Variants in SLC1A7 observed in about 807,000 individuals in gnomAD.
SLC1A7 encodes the protein excitatory amino acid transporter 5.
SLC1A7 carries 40 observed loss-of-function variants against 47.7 expected under a neutral mutation model. That is an observed-to-expected ratio of 0.84 (90% CI 0.65 to 1.09). SLC1A7 has a LOEUF of 1.09. SLC1A7 is among the 50% of genes least tolerant of loss of function. The pLI is 0.00. For missense variants in SLC1A7, 746 were observed against 769.5 expected (o/e 0.97, Z 0.36); for synonymous variants, 323 against 325.6 (o/e 0.99, Z 0.09).
At chr1:53,111,892 C>T (rs561313862) in intron 3 of SLC1A7, among the ~76,000 whole-genome samples, 1 of 152,272 alleles carries the variant, frequency 6.6e-6, no homozygotes, top group East Asian at 1.9e-4. Flanking sequence ...TGGCTCCAGA[C>T]CCTATAGGTG....
Position 53,090,633 on chromosome 1 carries a change from A to G in SLC1A7, c.1205T>C (p.Phe402Ser). ...IAQVNNYELD[F>S]GQIITISITA... ...GCACCTGATGGTGATGATCTGGCCA[A>G]AGTCCAGCTCGTAGTTGTTGACCTG... Residue 402 changes from phenylalanine (F) to serine (S), a missense_variant, in exon 8 of 11, where the codon TTT becomes TCT. Transcript: ENST00000371494. 1.3e-6 allele frequency: 2 copies of G among 1,599,566 alleles called. No homozygotes were observed. The highest frequency in any genetic ancestry group is 1.7e-6 in the Non-Finnish European group (2 of 1,170,258).
chr1:53,091,029 C>G (rs780293982), intron 7 of SLC1A7: 3 of 1,367,064 alleles, frequency 2.2e-6, no homozygotes, highest in South Asian at 2.9e-5. Flanking sequence ...AGGAAGCTGA[C>G]GCCCAGAGGG....
intron 2 of SLC1A7, among the ~76,000 whole-genome samples, chr1:53,125,183 C>T (rs1337439067): frequency 1.3e-5 from 2 of 152,182 alleles, no homozygotes; most frequent in Admixed American, 1.3e-4. Context: ...CAATGCAGGT[C>T]CCGTCCAGAT....
rs1396016960 is a variant in SLC1A7, at chr1:53,088,872, C to T, written c.1464+5G>A. 1.2e-6 allele frequency: 2 copies of T among 1,612,598 alleles called. No individual in the cohort carries two copies. Among genetic ancestry groups the T allele is most frequent in the East Asian group, 2.2e-5 (1 of 44,872 alleles). ...CTGGCAGCCTCTGGATCTCACTGCT[C>T]TCACCTCGGTGCCTGTGTCCCGGGC... On this transcript the variant is annotated splice_donor_5th_base_variant and intron_variant, in intron 10 of 10. Coordinates refer to ENST00000371494, the MANE Select transcript of SLC1A7 (RefSeq NM_006671.6).
chr1:53,142,264 G>A, intron 1 of SLC1A7, 51 bp downstream of exon 1: 1 of 1,534,842 alleles, frequency 6.5e-7, no homozygotes, highest in Non-Finnish European at 8.8e-7. Flanking sequence ...GATCCCTCAG[G>A]CCCACACGCC....
chr1:53,129,486 C>T lies in SLC1A7; in HGVS notation c.215+4864G>A, dbSNP rs571170173. On this transcript the variant is annotated intron_variant, in intron 2 of 10. Coordinates refer to ENST00000371494, the MANE Select transcript of SLC1A7 (RefSeq NM_006671.6). ...ACAGATGAAGCCACCACTGGTCAAG[C>T]GTGGGCTGCACTCAGTTGGACTGAA... 3.7e-5 allele frequency among the ~76,000 whole-genome samples: 4 copies of T among 107,396 alleles called. 1 individual carries two copies. Among genetic ancestry groups the T allele is most frequent in the East Asian group, 2.7e-4 (1 of 3,672 alleles). 70.5% of individuals were successfully genotyped at this position (107,396 alleles called of 152,430 possible). A position where few individuals can be genotyped will look rare whatever the true frequency, so the allele number is the denominator to read the frequency against.
At position 53,092,708 on chromosome 1, in the gene SLC1A7, G is replaced by A. The variant is rs773262257; in HGVS notation, c.877C>T (p.Leu293=). 6.4e-5 allele frequency: 104 copies of A among 1,614,122 alleles called. 2 individuals are homozygous for A. In the South Asian group the frequency reaches 1.1e-3, roughly 17 times the overall value. ...ACCACGGTGACTGAGTAGAAGCCCA[G>A]CTTCTTGCCGACGGCCCTGGGGTCG... ...MDDPRAVGKK[L]GFYSVTVVCG... is the part of the protein sequence containing the mutation. The change falls in exon 7 of 11, where the codon CTG becomes TTG. Residue 293 remains leucine, a synonymous_variant. Coordinates refer to ENST00000371494, the MANE Select transcript of SLC1A7 (RefSeq NM_006671.6).
chr1:53,099,428 C>T (rs554767922), intron 5 of SLC1A7, among the ~76,000 whole-genome samples: 5 of 149,614 alleles, frequency 3.3e-5, no homozygotes, highest in Non-Finnish European at 4.4e-5. Context: ...TCACACAGCC[C>T]GCCTCGGTAT....
At chr1:53,100,963 A>G (rs28545024) in intron 5 of SLC1A7, among the ~76,000 whole-genome samples, 31,094 of 146,832 alleles carry the variant, frequency 0.21, 3,320 homozygotes, top group Middle Eastern at 0.31. Flanking sequence ...CCCACACCGC[A>G]CCTTGGTCCA....
At chr1:53,127,672 G>A (rs565544070) in intron 2 of SLC1A7, among the ~76,000 whole-genome samples, 8 of 152,324 alleles carry the variant, frequency 5.3e-5, no homozygotes, top group South Asian at 4.1e-4. Flanking sequence ...GGTGAGGACC[G>A]GGCTTCCTGC....
intron 2 of SLC1A7, among the ~76,000 whole-genome samples, chr1:53,125,185 C>T (rs1230700802): frequency 1.3e-5 from 2 of 152,176 alleles, no homozygotes; most frequent in Non-Finnish European, 2.9e-5. Flanking sequence ...ATGCAGGTCC[C>T]GTCCAGATGA....
intron 3 of SLC1A7, chr1:53,108,483 G>A: frequency 1.4e-6 from 1 of 689,696 alleles, no homozygotes; most frequent in Non-Finnish European, 2.7e-6. Flanking sequence ...GGACCAAATG[G>A]GACCTGCCAT....
At chr1:53,107,856 C>T (rs1333762832) in intron 3 of SLC1A7, 3 of 152,152 alleles carry the variant, frequency 2.0e-5, no homozygotes, top group Non-Finnish European at 2.9e-5. Context: ...CACAAAAACC[C>T]GACAGGAAAA....
At position 53,088,137 on chromosome 1, in the gene SLC1A7, A is replaced by C. The variant is rs747412703; in HGVS notation, c.1555T>G (p.Ser519Ala). ...CAGGTGGGGCCCAGGGTGAGCTCGGAGGCCTCGGCTACACTCTTCACACAG... is the reference window on the plus strand; with the variant it reads ...CAGGTGGGGCCCAGGGTGAGCTCGGCGGCCTCGGCTACACTCTTCACACAG... The part of the protein sequence containing the change: ...NGCVKSVAEA[S>A]ELTLGPTCPH... Residue 519 changes from serine to alanine, a missense_variant, in exon 11 of 11, where the codon TCC (serine) becomes GCC (alanine). Physicochemically the swap from Ser to Ala is moderately conservative, Grantham distance 99. Coordinates refer to ENST00000371494, the MANE Select transcript of SLC1A7 (RefSeq NM_006671.6). 3.7e-6 allele frequency: 6 copies of C among 1,613,130 alleles called. No individual in the cohort carries two copies. The highest frequency in any genetic ancestry group is 5.1e-6 in the Non-Finnish European group (6 of 1,179,530).
At chr1:53,107,941 G>A (rs1022204296) in intron 3 of SLC1A7, 1 of 152,108 alleles carries the variant, frequency 6.6e-6, no homozygotes, top group Admixed American at 6.6e-5. Flanking sequence ...TTTTTAAAAT[G>A]TTTAGTTTCA....
chr1:53,110,533 C>T (rs899166940), intron 3 of SLC1A7, among the ~76,000 whole-genome samples: 3 of 152,140 alleles, frequency 2.0e-5, no homozygotes, highest in African/African-American at 7.2e-5. Flanking sequence ...CACTCTGGAA[C>T]ATTTGACTGT....
At chr1:53,107,091 G>A (rs2150327664) in intron 3 of SLC1A7, among the ~76,000 whole-genome samples, 1 of 150,058 alleles carries the variant, frequency 6.7e-6, no homozygotes, top group East Asian at 2.0e-4. Flanking sequence ...GGGAGGCGGA[G>A]GTTGCAGGGA....
chr1:53,137,630 T>C (rs1336033543), intron 1 of SLC1A7, among the ~76,000 whole-genome samples: 1 of 152,244 alleles, frequency 6.6e-6, no homozygotes, highest in Non-Finnish European at 1.5e-5. Flanking sequence ...CAACCATGTC[T>C]CCTTGCTTGT....
At position 53,136,666 on chromosome 1, in the gene SLC1A7, ATTTT is replaced by A. The variant is rs58852734; in HGVS notation, c.136-2241_136-2238del. On this transcript the variant is annotated intron_variant, in intron 1 of 10. Transcript: ENST00000371494. The stretch of plus-strand genomic sequence containing the variant: ...ACATATATATATTATATATATATAT[ATTTT>A]TTTTTTTTTTTTTTGAGACAAGGTC... Among the ~76,000 whole-genome samples the A allele has an allele frequency of 4.9e-4, 52 of 105,384 alleles. 1 individual carries two copies. Among genetic ancestry groups the A allele is most frequent in the East Asian group, 2.3e-3 (9 of 3,858 alleles). The allele number at this position is 105,384 out of a possible 152,430, so 69.1% of individuals were successfully genotyped here. A position where few individuals can be genotyped will look rare whatever the true frequency, so the allele number is the denominator to read the frequency against.
Sources: gnomAD v4.1 joint callset for allele counts (sites outside exome capture counted in the v4.1 genomes callset) on GRCh38, gnomAD v4.1.1 for gene constraint, MANE v1.5 for transcripts, NCBI Gene and HGNC (gene_info 2026-07-23, HGNC 2026-07-21) for gene names.